The following PHACTR3 variants were observed in gnomAD, a reference collection of about 807,000 sequenced individuals.
PHACTR3 encodes phosphatase and actin regulator 3, also known as protein phosphatase 1, regulatory subunit 123.
A neutral mutation model predicts 66.8 loss-of-function variants in PHACTR3; 16 were observed. The ratio of observed to expected loss-of-function variants is 0.24; its 90% confidence interval spans 0.16 to 0.36. The LOEUF is 0.36. Among genes scored for constraint, PHACTR3 ranks in the 10% least tolerant of loss-of-function variants. The pLI, the probability that PHACTR3 is intolerant of heterozygous loss-of-function variation, is 1.00. For synonymous variants in PHACTR3, 323 were observed against 292.1 expected (o/e 1.11, Z -1.08); for missense variants, 647 against 719.9 (o/e 0.90, Z 1.16).
chr20:59,777,052 C>T (rs1021299072), intron 7 of PHACTR3, among the ~76,000 whole-genome samples: 4 of 152,156 alleles, frequency 2.6e-5, no homozygotes, highest in African/African-American at 7.2e-5. Flanking sequence ...TGGGTAGGGT[C>T]GTGCTCCCTG....
Position 59,643,861 on chromosome 20 carries a change from A to G in PHACTR3, c.118+38729A>G, listed in dbSNP as rs553249161. On this transcript the variant is annotated intron_variant, in intron 1 of 12. Transcript: ENST00000371015. ...CTTCTGCCTCGCCTCCTGTAGTCAC[A>G]GTTTGGATATCCTGTGAAAGTAGCA... Among the ~76,000 whole-genome samples, 10 of 152,296 alleles carry G rather than the reference A, an allele frequency of 6.6e-5. No individual in the cohort carries two copies. The East Asian group carries it at 1.5e-3, about 23-fold the overall frequency.
chr20:59,767,336 C>G lies in PHACTR3; in HGVS notation c.692C>G (p.Pro231Arg), dbSNP rs1246105468. 7 of 1,614,010 alleles carry G rather than the reference C, an allele frequency of 4.3e-6. No individual in the cohort carries two copies. The highest frequency in any genetic ancestry group is 1.1e-5 in the South Asian group (1 of 91,084). ...AGATCCGTGGGCCAGCTCCCCAGCC[C>G]CCCACTGCTGCCCACTCCGCCACCC... is the stretch of plus-strand genomic sequence containing the variant. ...LERSVGQLPS[P>R]PLLPTPPPKA... The change falls in exon 5 of 13, where the codon CCC (proline) becomes CGC (arginine). Residue 231 changes from proline to arginine, a missense_variant. Physicochemically the swap from Pro to Arg is moderately radical, Grantham distance 103 (BLOSUM62 -2). Transcript: ENST00000371015.
At chr20:59,724,766 C>A (rs946894849) in intron 1 of PHACTR3, among the ~76,000 whole-genome samples, 1 of 152,226 alleles carries the variant, frequency 6.6e-6, no homozygotes, top group African/African-American at 2.4e-5. Context: ...CTCCCCCTCT[C>A]CTCAAAATGC....
intron 1 of PHACTR3, among the ~76,000 whole-genome samples, chr20:59,655,372 A>G (rs1056691178): frequency 1.3e-5 from 2 of 152,068 alleles, no homozygotes; most frequent in South Asian, 2.1e-4. Flanking sequence ...TTGTGCAACT[A>G]TCATCACAAT....
At chr20:59,838,522 C>A (rs2059004561) in intron 9 of PHACTR3, among the ~76,000 whole-genome samples, 1 of 152,214 alleles carries the variant, frequency 6.6e-6, no homozygotes, top group African/African-American at 2.4e-5. Context: ...TAGGCCCAAT[C>A]TGTGCCAGGG....
intron 7 of PHACTR3, among the ~76,000 whole-genome samples, chr20:59,793,940 C>G (rs1391150066): frequency 1.3e-5 from 2 of 151,728 alleles, no homozygotes; most frequent in Non-Finnish European, 2.9e-5. Context: ...CTGGCCAACA[C>G]AAAGAAACCT....
intron 1 of PHACTR3, among the ~76,000 whole-genome samples, chr20:59,685,201 G>GC (rs1293062915): frequency 6.6e-6 from 1 of 152,124 alleles, no homozygotes; most frequent in Non-Finnish European, 1.5e-5. Flanking sequence ...CCCCCTTCCT[G>GC]CCCAGCAGCT....
intron 7 of PHACTR3, among the ~76,000 whole-genome samples, chr20:59,792,839 G>A (rs190051614): frequency 2.0e-5 from 3 of 152,092 alleles, no homozygotes; most frequent in Non-Finnish European, 4.4e-5. Context: ...ATATTGTTTG[G>A]TACCATGCTG....
At chr20:59,831,688 T>C (rs758861931) in intron 8 of PHACTR3, among the ~76,000 whole-genome samples, 41 of 152,028 alleles carry the variant, frequency 2.7e-4, no homozygotes, top group Non-Finnish European at 5.3e-4. Flanking sequence ...TCCGGCCACG[T>C]CTCTAGCGGC....
chr20:59,833,153 C>A (rs535369366), intron 8 of PHACTR3, among the ~76,000 whole-genome samples: 3 of 152,302 alleles, frequency 2.0e-5, no homozygotes, highest in African/African-American at 7.2e-5. Context: ...TGTTTACAAC[C>A]CTGTGCCTCC....
chr20:59,735,618 A>G (rs1335190343), intron 1 of PHACTR3, among the ~76,000 whole-genome samples: 1 of 152,150 alleles, frequency 6.6e-6, no homozygotes, highest in African/African-American at 2.4e-5. Context: ...TGGACGAGGA[A>G]CAGACCCTGG....
intron 1 of PHACTR3, among the ~76,000 whole-genome samples, chr20:59,639,084 GA>G (rs2035011173): frequency 1.3e-5 from 2 of 149,470 alleles, no homozygotes; most frequent in African/African-American, 5.0e-5. Context: ...TGGATGGATG[GA>G]TGGATGGATG....
intron 7 of PHACTR3, among the ~76,000 whole-genome samples, chr20:59,795,958 A>C (rs539429155): frequency 6.6e-6 from 1 of 152,170 alleles, no homozygotes; most frequent in African/African-American, 2.4e-5. Flanking sequence ...TTATTCATTT[A>C]TATTCAAAGT....
At position 59,607,178 on chromosome 20, in the gene PHACTR3, G is replaced by A. The variant is rs371462232; in HGVS notation, c.118+2046G>A. Among the ~76,000 whole-genome samples, 109 of 152,224 alleles carry A rather than the reference G, an allele frequency of 7.2e-4. 3 individuals carry two copies. In the South Asian group the frequency reaches 0.022, roughly 31 times the overall value. Reference sequence around the variant, plus strand: ...TGATGTAGTGCATACTTGTCTTTGGGCAGATCTGTTTAAGAATTCTTTTTC... The same window carrying A: ...TGATGTAGTGCATACTTGTCTTTGGACAGATCTGTTTAAGAATTCTTTTTC... On this transcript the variant is annotated intron_variant, in intron 1 of 12. Transcript: ENST00000371015.
chr20:59,641,823 G>T (rs541928541), intron 1 of PHACTR3, among the ~76,000 whole-genome samples: 3 of 152,322 alleles, frequency 2.0e-5, no homozygotes, highest in Non-Finnish European at 4.4e-5. Flanking sequence ...TGACCTGGTG[G>T]TTTCCAATGT....
intron 1 of PHACTR3, among the ~76,000 whole-genome samples, chr20:59,651,439 T>C (rs1017029564): frequency 5.9e-5 from 9 of 152,184 alleles, no homozygotes; most frequent in African/African-American, 1.9e-4. Context: ...TAAAGCATCA[T>C]GTTATATTGC....
At chr20:59,773,945 A>G (rs1006564181) in intron 6 of PHACTR3, among the ~76,000 whole-genome samples, 7 of 152,250 alleles carry the variant, frequency 4.6e-5, no homozygotes, top group African/African-American at 1.7e-4. Flanking sequence ...GGAATATTAG[A>G]CAAACAAAAT....
intron 1 of PHACTR3, among the ~76,000 whole-genome samples, chr20:59,700,121 C>T (rs2037445641): frequency 6.7e-6 from 1 of 148,962 alleles, no homozygotes; most frequent in African/African-American, 2.5e-5. Context: ...GTGTGTTTGT[C>T]ACATGAATGA....
rs143377182 is a variant in PHACTR3, at chr20:59,740,637, T to C, written c.119-2470T>C. 1.2e-3 allele frequency among the ~76,000 whole-genome samples: 190 copies of C among 152,262 alleles called. 1 individual carries two copies. Among genetic ancestry groups the C allele is most frequent in the Middle Eastern group, 3.4e-3 (1 of 294 alleles). The stretch of plus-strand genomic sequence containing the variant: ...CCACACTGAGTCCTCCCCTCAACCT[T>C]ACCTATCAGGGATGATTATCATGGC... On this transcript the variant is annotated intron_variant, in intron 1 of 12. Coordinates refer to ENST00000371015, the MANE Select transcript of PHACTR3 (RefSeq NM_080672.5).
Sources: gnomAD v4.1 joint callset for allele counts (sites outside exome capture counted in the v4.1 genomes callset) on GRCh38, gnomAD v4.1.1 for gene constraint, MANE v1.5 for transcripts, NCBI Gene and HGNC (gene_info 2026-07-23, HGNC 2026-07-21) for gene names.